Variants in HIVEP3 observed in about 807,000 individuals in gnomAD.
HIVEP3 encodes transcription factor HIVEP3.
Under a neutral mutation model 152.8 loss-of-function variants are expected in HIVEP3, and 49 were observed. The observed-to-expected ratio is 0.32, with a 90% CI of 0.26 to 0.41. The LOEUF (loss-of-function observed/expected upper bound fraction) is 0.41. Among genes scored for constraint, HIVEP3 ranks in the 10% least tolerant of loss-of-function variants. The pLI is 1.00. For missense variants in HIVEP3, 2,790 were observed against 3,103.3 expected (o/e 0.90, Z 2.40); for synonymous variants, 1,269 against 1,289.0 (o/e 0.98, Z 0.33).
chr1:41,910,977 A>AT lies in HIVEP3; in HGVS notation c.-801+7435_-801+7436insA, dbSNP rs1204574307. Among the ~76,000 whole-genome samples, 5 of 152,252 alleles carry AT rather than the reference A, an allele frequency of 3.3e-5. No individual in the cohort carries two copies. In the East Asian group the frequency reaches 9.6e-4, roughly 29 times the overall value. On this transcript the variant is annotated intron_variant, in intron 1 of 8. Coordinates refer to ENST00000372583, the MANE Select transcript of HIVEP3 (RefSeq NM_024503.5). ...CTTAAGGATGTCCTTTAAAAGACACAAAATGTTCAATGATAAAGGAAAGAT... is the reference window on the plus strand; with the variant it reads ...CTTAAGGATGTCCTTTAAAAGACACATAAATGTTCAATGATAAAGGAAAGAT...
In HIVEP3 at chr1:41,706,777, G is replaced by C. The variant is rs1245036872; in HGVS notation, c.-800-5782C>G. 2.0e-5 allele frequency among the ~76,000 whole-genome samples: 3 copies of C among 152,298 alleles called. No homozygotes were observed. The East Asian group carries it at 5.8e-4, about 29-fold the overall frequency. On this transcript the variant is annotated intron_variant, in intron 1 of 8. Coordinates refer to ENST00000372583, the MANE Select transcript of HIVEP3 (RefSeq NM_024503.5). The stretch of plus-strand genomic sequence containing the variant: ...AGGGTCTTTGTTTCAAGGAGTTTCT[G>C]AGCAACACAATGGACAACTTTCTCT...
chr1:41,671,202 G>A (rs1182617429), intron 2 of HIVEP3, among the ~76,000 whole-genome samples: 1 of 152,202 alleles, frequency 6.6e-6, no homozygotes, highest in African/African-American at 2.4e-5. Flanking sequence ...GTAGAACGCT[G>A]GGCCCCCAGC....
Position 41,858,646 on chromosome 1 carries a change from A to G in HIVEP3, c.-801+59767T>C, listed in dbSNP as rs947530039. 4.6e-5 allele frequency among the ~76,000 whole-genome samples: 7 copies of G among 152,226 alleles called. No homozygotes were observed. In the South Asian group the frequency reaches 6.2e-4, roughly 14 times the overall value. On this transcript the variant is annotated intron_variant, in intron 1 of 8. Transcript: ENST00000372583. ...GGGATAGTGGGTGAACCACATGGAC[A>G]AGGATCATGTTTTCCATAGAGCTTA...
Position 41,511,186 on chromosome 1 carries a change from A to T in HIVEP3, c.6486T>A (p.His2162Gln), listed in dbSNP as rs749715747. The T allele has an allele frequency of 1.5e-5, 24 of 1,614,116 alleles. No individual in the cohort carries two copies. In the South Asian group the frequency reaches 2.6e-4, roughly 18 times the overall value. ...PLSSRPFSAL[H>Q]DFHGHILART... ...GGGCCAGGATGTGGCCGTGGAAGTC[A>T]TGGAGGGCGGAGAAGGGTCGGGAGG... Residue 2162 changes from histidine (H) to glutamine (Q), a missense_variant, in exon 9 of 9, where the codon CAT (histidine) becomes CAA (glutamine). Coordinates refer to ENST00000372583, the MANE Select transcript of HIVEP3 (RefSeq NM_024503.5). This position sits in a 1 kb window ranked among gnomAD's most constrained non-coding sequence, Gnocchi z 4.9.
rs578072255 is a variant in HIVEP3 at position 41,566,254 on chromosome 1, C to G, written c.5207+9290G>C. Among the ~76,000 whole-genome samples the G allele has an allele frequency of 9.9e-5, 15 of 152,276 alleles. No homozygotes were observed. The South Asian group carries it at 2.9e-3, about 29-fold the overall frequency. Reference sequence around the variant, plus strand: ...GTGAAGACCTCAAGCCCATAGGTGGCCTGGAATAGTGAAAAGAGGCCTGGA... The same window carrying G: ...GTGAAGACCTCAAGCCCATAGGTGGGCTGGAATAGTGAAAAGAGGCCTGGA... On this transcript the variant is annotated intron_variant, in intron 5 of 8. Coordinates refer to ENST00000372583, the MANE Select transcript of HIVEP3 (RefSeq NM_024503.5).
At chr1:41,804,176 A>G (rs752014897) in intron 1 of HIVEP3, among the ~76,000 whole-genome samples, 3 of 152,174 alleles carry the variant, frequency 2.0e-5, no homozygotes, top group Non-Finnish European at 2.9e-5. Context: ...CCCACTTCGA[A>G]TGTCCCCACC....
intron 1 of HIVEP3, among the ~76,000 whole-genome samples, chr1:41,737,816 T>C (rs1353443243): frequency 6.6e-6 from 1 of 152,042 alleles, no homozygotes; most frequent in Non-Finnish European, 1.5e-5. Context: ...CAGGGAGATA[T>C]ATTTGGAAAG....
chr1:41,554,266 C>A (rs1034100354), intron 5 of HIVEP3, among the ~76,000 whole-genome samples: 2 of 152,024 alleles, frequency 1.3e-5, no homozygotes, highest in African/African-American at 4.8e-5. Context: ...TCACTGATAC[C>A]CTTTCTTCCA....
chr1:41,526,723 TCA>T (rs1177089133), intron 5 of HIVEP3, among the ~76,000 whole-genome samples: 14 of 64,882 alleles, frequency 2.2e-4, no homozygotes, highest in African/African-American at 7.3e-4. Flanking sequence ...ACACACACCC[TCA>T]CACACTCACC....
At chr1:41,739,917 T>A (rs1646971997) in intron 1 of HIVEP3, among the ~76,000 whole-genome samples, 1 of 152,148 alleles carries the variant, frequency 6.6e-6, no homozygotes, top group East Asian at 1.9e-4. Context: ...TCTCAGCATT[T>A]CCAAAGTGTT....
At chr1:41,864,146 G>C (rs570625297) in intron 1 of HIVEP3, among the ~76,000 whole-genome samples, 1 of 152,092 alleles carries the variant, frequency 6.6e-6, no homozygotes, top group African/African-American at 2.4e-5. Context: ...ATTCCCCAAG[G>C]GCTCAGGATT....
At chr1:41,772,767 G>C (rs529191315) in intron 1 of HIVEP3, among the ~76,000 whole-genome samples, 1 of 152,172 alleles carries the variant, frequency 6.6e-6, no homozygotes, top group Non-Finnish European at 1.5e-5. Context: ...AAAATTACCC[G>C]GGTGTGGTGG....
intron 1 of HIVEP3, among the ~76,000 whole-genome samples, chr1:41,706,068 C>T (rs1385800427): frequency 3.9e-5 from 6 of 152,174 alleles, no homozygotes; most frequent in Admixed American, 6.5e-5. Flanking sequence ...CAGAGGTTGA[C>T]AGCCTGCAGG....
At chr1:41,681,089 G>GGTGTGTGTGTGTGTGTGTGTGTGT (rs35572259) in intron 2 of HIVEP3, among the ~76,000 whole-genome samples, 1 of 148,244 alleles carries the variant, frequency 6.7e-6, no homozygotes, top group Non-Finnish European at 1.5e-5. Flanking sequence ...GCTAAGAACT[G>GGTGTGTGTGTGTGTGTGTGTGTGT]GTGTGTGTGT....
rs867886103 is a variant in HIVEP3, at chr1:41,580,387, C to A, written c.4411G>T (p.Val1471Phe). Residue 1471 changes from valine (V) to phenylalanine (F), a missense_variant, in exon 4 of 9, where the codon GTC becomes TTC. Around this residue, in one of 9 missense-constraint regions of HIVEP3, gnomAD observed 1,078 missense variants for 1,165.3 expected, o/e 0.93. Coordinates refer to ENST00000372583, the MANE Select transcript of HIVEP3 (RefSeq NM_024503.5). ...TTCCCATCCTCGGTGCTGGTAAGGA[C>A]CACACTGCATGGTTTTACCAGCTCA... ...KLELVKPCSV[V>F]LTSTEDGKRP... 1.2e-6 allele frequency: 2 copies of A among 1,614,188 alleles called. No homozygotes were observed. Among genetic ancestry groups the A allele is most frequent in the African/African-American group, 2.7e-5 (2 of 75,038 alleles).
chr1:41,793,785 G>A (rs758756130), intron 1 of HIVEP3, among the ~76,000 whole-genome samples: 18 of 152,182 alleles, frequency 1.2e-4, no homozygotes, highest in Admixed American at 7.2e-4. Flanking sequence ...GCCCTTTGAG[G>A]AAGAAACATC....
At chr1:41,721,549 C>T (rs1318250292) in intron 1 of HIVEP3, among the ~76,000 whole-genome samples, 3 of 152,146 alleles carry the variant, frequency 2.0e-5, no homozygotes, top group East Asian at 1.9e-4. Flanking sequence ...GAACAAGAGA[C>T]GTAGGTAGGT....
intron 1 of HIVEP3, among the ~76,000 whole-genome samples, chr1:41,875,497 A>C (rs1408732416): frequency 1.3e-5 from 2 of 152,254 alleles, no homozygotes; most frequent in Non-Finnish European, 2.9e-5. Flanking sequence ...AGACCATGTC[A>C]TGCCCTGGCT....
chr1:41,578,148 C>T (rs1219888966), intron 4 of HIVEP3, among the ~76,000 whole-genome samples: 1 of 152,204 alleles, frequency 6.6e-6, no homozygotes, highest in Non-Finnish European at 1.5e-5. Context: ...GTGAAAGTTA[C>T]TTAACCTCTC....
Sources: allele counts gnomAD v4.1 joint callset (sites outside exome capture counted in the v4.1 genomes callset), GRCh38; gene constraint gnomAD v4.1.1; regional missense constraint gnomAD v4.1.1; non-coding constraint Gnocchi (gnomAD v3.1); transcripts MANE v1.5; gene names NCBI Gene and HGNC (gene_info 2026-07-23, HGNC 2026-07-21).